Variants in CHAT observed in about 807,000 individuals in gnomAD.
CHAT encodes the protein choline O-acetyltransferase, also known as acetyl CoA:choline O-acetyltransferase.
CHAT carries 61 observed loss-of-function variants against 76.9 expected under a neutral mutation model. The observed-to-expected ratio is 0.79, with a 90% CI of 0.65 to 0.98. The LOEUF is 0.98. Among genes scored for constraint, CHAT ranks in the 50% least tolerant of loss-of-function variants. CHAT has a pLI of 0.00. For missense variants in CHAT, 946 were observed against 986.9 expected, an observed-to-expected ratio of 0.96 and a Z score of 0.56; for synonymous variants, 407 against 397.4, an observed-to-expected ratio of 1.02 and a Z score of -0.29.
rs374000183 is a variant in CHAT, at chr10:49,655,176, G to T, written c.1716G>T (p.Ser572=). The change falls in exon 12 of 15, where the codon TCG becomes TCT. Residue 572 remains serine, a synonymous_variant. Coordinates refer to ENST00000337653, the MANE Select transcript of CHAT (RefSeq NM_020549.5). ...FQEGRVDNIR[S]ATPEALAFVR... is the part of the protein sequence containing the mutation. ...AGGGACGCGTGGACAACATCAGATC[G>T]GCCACTCCAGAGGCACTGGCTTTTG... 1 of 1,613,886 alleles carries T rather than the reference G, an allele frequency of 6.2e-7. No individual in the cohort carries two copies. Among genetic ancestry groups the T allele is most frequent in the Non-Finnish European group, 8.5e-7 (1 of 1,180,030 alleles).
rs1456743618 is a variant in CHAT at position 49,614,493 on chromosome 10, G to C, written c.286+18G>C. ...GAGAGCAGGTGAGAAGAAGGGCTGG[G>C]CTGGGCTGGCGGAGCGCGGTGCCGG... On this transcript the variant is annotated intron_variant, in intron 1 of 14. Transcript: ENST00000337653. The C allele has an allele frequency of 1.3e-6, 2 of 1,540,756 alleles. No homozygotes were observed. The highest frequency in any genetic ancestry group is 2.4e-5 in the South Asian group (2 of 83,946).
Position 49,619,734 on chromosome 10 carries a change from A to C in CHAT, c.397A>C (p.Lys133Gln). The C allele has an allele frequency of 1.2e-6, 2 of 1,611,910 alleles. No homozygotes were observed. Among genetic ancestry groups the C allele is most frequent in the East Asian group, 2.2e-5 (1 of 44,888 alleles). ...GAACCCTTTCTTCCAGGGGCTGCCC[A>C]AACTGCCCGTGCCCCCGCTGCAGCA... is the stretch of plus-strand genomic sequence containing the variant. The part of the protein sequence containing the change: ...TPSSEESGLP[K>Q]LPVPPLQQTL... The change falls in exon 3 of 15, where the codon AAA (lysine) becomes CAA (glutamine). Residue 133 changes from lysine to glutamine, a missense_variant. Around this residue, in one of 3 missense-constraint regions of CHAT, gnomAD observed 548 missense variants for 516.2 expected, o/e 1.06. Coordinates refer to ENST00000337653, the MANE Select transcript of CHAT (RefSeq NM_020549.5).
intron 1 of CHAT, among the ~76,000 whole-genome samples, chr10:49,614,695 G>C (rs570208272): frequency 3.9e-4 from 59 of 152,326 alleles, no homozygotes; most frequent in Non-Finnish European, 7.2e-4. Flanking sequence ...TCAGGGCTTC[G>C]GGACTCCAAG....
chr10:49,613,198 G>T (rs1196807180), upstream of CHAT: 1 of 152,306 alleles, frequency 6.6e-6, no homozygotes, highest in Non-Finnish European at 1.5e-5. Context: ...CCGACCTCTG[G>T]AAATGTGTGT....
rs376188733 is a variant in CHAT at position 49,619,746 on chromosome 10, C to T, written c.409C>T (p.Pro137Ser). The T allele has an allele frequency of 2.5e-6, 4 of 1,612,712 alleles. No homozygotes were observed. The highest frequency in any genetic ancestry group is 2.5e-6 in the Non-Finnish European group (3 of 1,179,966). Residue 137 changes from proline (P) to serine (S), a missense_variant, in exon 3 of 15, where the codon CCC becomes TCC. Around this residue, in one of 3 missense-constraint regions of CHAT, gnomAD observed 548 missense variants for 516.2 expected, o/e 1.06. Transcript: ENST00000337653. ...EESGLPKLPV[P>S]PLQQTLATYL... ...CCAGGGGCTGCCCAAACTGCCCGTGCCCCCGCTGCAGCAGACCCTGGCCAC... is the reference window on the plus strand; with the variant it reads ...CCAGGGGCTGCCCAAACTGCCCGTGTCCCCGCTGCAGCAGACCCTGGCCAC...
intron 8 of CHAT, 94 bp downstream of exon 8, chr10:49,646,768 C>T (rs532456250): frequency 3.8e-5 from 53 of 1,412,376 alleles, no homozygotes; most frequent in South Asian, 3.5e-4. Context: ...CAGGCCCGCA[C>T]GTGCTTGTGT....
At chr10:49,631,512 A>T (rs1001382174) in intron 7 of CHAT, among the ~76,000 whole-genome samples, 1 of 152,202 alleles carries the variant, frequency 6.6e-6, no homozygotes, top group East Asian at 1.9e-4. Flanking sequence ...CAACACAGGA[A>T]TTTTGGAACG....
chr10:49,639,538 T>TAC (rs1839408138), intron 7 of CHAT, among the ~76,000 whole-genome samples: 1 of 16,870 alleles, frequency 5.9e-5, no homozygotes, highest in Non-Finnish European at 2.2e-4. Flanking sequence ...ATAGTATATA[T>TAC]ATACACACAC....
chr10:49,629,712 G>A (rs746361888), intron 7 of CHAT, among the ~76,000 whole-genome samples: 27 of 152,320 alleles, frequency 1.8e-4, no homozygotes, highest in Non-Finnish European at 3.7e-4. Flanking sequence ...AGGGAAATGC[G>A]ACAGAAAGGA....
intron 7 of CHAT, 148 bp from the exon 8 acceptor site, chr10:49,646,357 G>A: frequency 1.0e-6 from 1 of 983,922 alleles, no homozygotes; most frequent in African/African-American, 1.6e-5. Flanking sequence ...CCCACAGTGG[G>A]GCAAGGTGGG....
In CHAT at chr10:49,619,925, G is replaced by A. The variant is rs373915715; in HGVS notation, c.579+9G>A. 2.5e-6 allele frequency: 4 copies of A among 1,608,426 alleles called. No homozygotes were observed. The highest frequency in any genetic ancestry group is 3.4e-6 in the Non-Finnish European group (4 of 1,178,062). ...AGAAGACAGCCAACTGGGTAAGAGG[G>A]GCAGACAAGGAACCCATAGAAGAGG... is the stretch of plus-strand genomic sequence containing the variant. On this transcript the variant is annotated intron_variant, in intron 3 of 14. Coordinates refer to ENST00000337653, the MANE Select transcript of CHAT (RefSeq NM_020549.5).
upstream of CHAT, chr10:49,612,224 A>G (rs757804116): frequency 1.2e-6 from 2 of 1,609,266 alleles, no homozygotes; most frequent in South Asian, 2.2e-5. Context: ...GGTCTGTACG[A>G]TGCGGTGCGC....
At chr10:49,610,924 G>T, upstream of CHAT, 1 of 1,611,212 alleles carries the variant, frequency 6.2e-7, no homozygotes, top group Non-Finnish European at 8.5e-7. Context: ...CGACTACATC[G>T]CCCACATGCG....
At chr10:49,619,371 T>C (rs977150066) in intron 2 of CHAT, among the ~76,000 whole-genome samples, 1 of 152,216 alleles carries the variant, frequency 6.6e-6, no homozygotes, top group African/African-American at 2.4e-5. Context: ...TAGGGGTTAC[T>C]ACTCCCATTC....
chr10:49,611,667 A>G (rs8187729), upstream of CHAT: 910 of 1,611,448 alleles, frequency 5.6e-4, 3 homozygotes, highest in African/African-American at 0.011. Context: ...CCTTCCTCGA[A>G]CCCACCATTG....
At position 49,665,085 on chromosome 10, in the gene CHAT, A is replaced by G; in HGVS notation, c.*39A>G. 6.2e-7 allele frequency: 1 copy of G among 1,610,820 alleles called. No individual in the cohort carries two copies. Among genetic ancestry groups the G allele is most frequent in the Non-Finnish European group, 8.5e-7 (1 of 1,178,968 alleles). ...GTTTCACCTCCCAAACCCAGCCTCT[A>G]GAACAGCCAGACCCTGCAGATCCCC... On this transcript the variant is annotated 3_prime_UTR_variant, in exon 15 of 15. Transcript: ENST00000337653.
In CHAT at chr10:49,618,986, C is replaced by T. The variant is rs1049487151; in HGVS notation, c.388-739C>T. On this transcript the variant is annotated intron_variant, in intron 2 of 14. Coordinates refer to ENST00000337653, the MANE Select transcript of CHAT (RefSeq NM_020549.5). ...ATTCGGAGAGGAAGGACATCCACTG[C>T]ATCCCCACCCCTGCCCCTAACACCC... Among the ~76,000 whole-genome samples, 6 of 152,174 alleles carry T rather than the reference C, an allele frequency of 3.9e-5. No individual in the cohort carries two copies. The South Asian group carries it at 1.0e-3, about 26-fold the overall frequency.
rs1036132045 is a variant in CHAT at position 49,649,475 on chromosome 10, C to A, written c.1383-33C>A. The A allele has an allele frequency of 1.9e-6, 3 of 1,613,442 alleles. No individual in the cohort carries two copies. The African/African-American group carries it at 4.0e-5, about 22-fold the overall frequency. On this transcript the variant is annotated intron_variant, in intron 9 of 14. Coordinates refer to ENST00000337653, the MANE Select transcript of CHAT (RefSeq NM_020549.5). ...GATGCCTCCCACAGCTGTCTGGCCGCAGAGCCTCAGGAGGTTGCCTCTGTG... is the reference window on the plus strand; with the variant it reads ...GATGCCTCCCACAGCTGTCTGGCCGAAGAGCCTCAGGAGGTTGCCTCTGTG...
intron 13 of CHAT, among the ~76,000 whole-genome samples, chr10:49,658,830 A>C (rs1317211830): frequency 6.6e-6 from 1 of 152,264 alleles, no homozygotes; most frequent in Non-Finnish European, 1.5e-5. Context: ...TATATATGAT[A>C]GGAAACTAAA....
Sources: allele counts gnomAD v4.1 joint callset (sites outside exome capture counted in the v4.1 genomes callset), GRCh38; gene constraint gnomAD v4.1.1; regional missense constraint gnomAD v4.1.1; transcripts MANE v1.5; gene names NCBI Gene and HGNC (gene_info 2026-07-23, HGNC 2026-07-21).